Variants in PRKACA observed in about 807,000 individuals in gnomAD.
PRKACA encodes protein kinase cAMP-activated catalytic subunit alpha.
PRKACA carries 9 observed loss-of-function variants against 45.8 expected under a neutral mutation model. The observed-to-expected ratio is 0.20, with a 90% CI of 0.12 to 0.34. The LOEUF (loss-of-function observed/expected upper bound fraction) is 0.34, where lower values mean the gene tolerates loss of function less well. PRKACA is among the 10% of genes least tolerant of loss of function. PRKACA has a pLI of 1.00. For synonymous variants in PRKACA, 160 were observed against 178.6 expected, an observed-to-expected ratio of 0.90 and a Z score of 0.83; for missense variants, 238 against 458.6, an observed-to-expected ratio of 0.52 and a Z score of 4.39.
At chr19:14,098,020 T>C in intron 5 of PRKACA, 130 bp from the exon 6 acceptor site, 1 of 1,194,562 alleles carries the variant, frequency 8.4e-7, no homozygotes. Flanking sequence ...GGCACCTGAT[T>C]CTTAGATAGC....
chr19:14,114,183 C>G, intron 1 of PRKACA: 1 of 1,608,436 alleles, frequency 6.2e-7, no homozygotes, highest in Non-Finnish European at 8.5e-7. Context: ...AGGGCACCGG[C>G]ACTACGGTGG....
At chr19:14,114,972 C>A (rs1362705466) in intron 1 of PRKACA, among the ~76,000 whole-genome samples, 5 of 152,182 alleles carry the variant, frequency 3.3e-5, no homozygotes, top group Admixed American at 1.3e-4. Flanking sequence ...GTGCCCCCTG[C>A]AGGCTGGCCT....
chr19:14,102,982 C>A, intron 3 of PRKACA, 68 bp from the exon 4 acceptor site: 1 of 1,283,448 alleles, frequency 7.8e-7, no homozygotes, highest in Non-Finnish European at 1.1e-6. Flanking sequence ...CCCCTAATGC[C>A]TGGAACTAGG....
At chr19:14,111,892 G>C (rs1966975892) in intron 1 of PRKACA, among the ~76,000 whole-genome samples, 1 of 152,234 alleles carries the variant, frequency 6.6e-6, no homozygotes, top group Non-Finnish European at 1.5e-5. Context: ...CAGGCTTGAA[G>C]GGAATCCAAA....
At chr19:14,117,023 G>C (rs1342578020) in intron 1 of PRKACA, among the ~76,000 whole-genome samples, 2 of 151,822 alleles carry the variant, frequency 1.3e-5, no homozygotes, top group African/African-American at 4.8e-5. Context: ...GGGGCTGGAG[G>C]GGGGAGGGGT....
Position 14,092,827 on chromosome 19 carries a change from G to A in PRKACA, c.*285C>T, listed in dbSNP as rs575871334. ...TTGAGAAACTCGTTTAAAACAGGCAGAAGTGGGCTGGGAGGGCTGAGGGGC... is the reference window on the plus strand; with the variant it reads ...TTGAGAAACTCGTTTAAAACAGGCAAAAGTGGGCTGGGAGGGCTGAGGGGC... On this transcript the variant is annotated 3_prime_UTR_variant, in exon 10 of 10. Transcript: ENST00000308677. 8 of 440,424 alleles carry A rather than the reference G, an allele frequency of 1.8e-5. No individual in the cohort carries two copies. Among genetic ancestry groups the A allele is most frequent in the Non-Finnish European group, 8.1e-6 (2 of 247,784 alleles). 27.3% of individuals were successfully genotyped at this position (440,424 alleles called of 1,614,324 possible).
At position 14,093,805 on chromosome 19, in the gene PRKACA, G is replaced by T. The variant is rs767274781; in HGVS notation, c.766-13C>A. On this transcript the variant is annotated splice_polypyrimidine_tract_variant and intron_variant, in intron 8 of 9. Coordinates refer to ENST00000308677, the MANE Select transcript of PRKACA (RefSeq NM_002730.4). Reference sequence around the variant, plus strand: ...AAGGGAAGCGCACCTGGAGGAAGGGGTACAAGGACAGGGTGGGAAGCTGGT... The same window carrying T: ...AAGGGAAGCGCACCTGGAGGAAGGGTTACAAGGACAGGGTGGGAAGCTGGT... 5 of 1,607,056 alleles carry T rather than the reference G, an allele frequency of 3.1e-6. No individual in the cohort carries two copies. The highest frequency in any genetic ancestry group is 4.2e-6 in the Non-Finnish European group (5 of 1,176,804).
intron 1 of PRKACA, among the ~76,000 whole-genome samples, chr19:14,117,026 G>T (rs1253382967): frequency 6.6e-6 from 1 of 151,524 alleles, no homozygotes; most frequent in Non-Finnish European, 1.5e-5. Context: ...GCTGGAGGGG[G>T]GAGGGGTGTG....
At chr19:14,093,588 G>T in intron 9 of PRKACA, 40 bp downstream of exon 9, 1 of 1,592,454 alleles carries the variant, frequency 6.3e-7, no homozygotes. Context: ...CTCTTGGCCT[G>T]CTCCCAAACC....
intron 3 of PRKACA, among the ~76,000 whole-genome samples, chr19:14,104,612 C>T (rs1276887661): frequency 1.3e-5 from 2 of 149,616 alleles, no homozygotes; most frequent in Admixed American, 6.8e-5. Flanking sequence ...AGAAGAATGG[C>T]GTGAACCCGG....
chr19:14,107,018 CAG>C (rs1977633401), intron 2 of PRKACA, 130 bp from the exon 3 acceptor site: 6 of 1,217,474 alleles, frequency 4.9e-6, no homozygotes, highest in Admixed American at 5.0e-5. Flanking sequence ...GGGGTGAGGA[CAG>C]GGGGCGGAAA....
chr19:14,105,089 AAGG>A (rs1977563716), intron 3 of PRKACA, among the ~76,000 whole-genome samples: 1 of 152,206 alleles, frequency 6.6e-6, no homozygotes. Flanking sequence ...TACAGAAAAA[AAGG>A]AAATATTTCC....
At position 14,108,147 on chromosome 19, in the gene PRKACA, C is replaced by G. The variant is rs950254269; in HGVS notation, c.47-738G>C. On this transcript the variant is annotated intron_variant, in intron 1 of 9. Transcript: ENST00000308677. ...AGTCATTCTCGTCTCTGCTGAGACACAGCCCAGCAAAGTGGCTAAGGGCCA... is the reference window on the plus strand; with the variant it reads ...AGTCATTCTCGTCTCTGCTGAGACAGAGCCCAGCAAAGTGGCTAAGGGCCA... 7.1e-6 allele frequency: 7 copies of G among 985,376 alleles called. No individual in the cohort carries two copies. The South Asian group carries it at 3.3e-4, about 46-fold the overall frequency. 61.0% of individuals were successfully genotyped at this position (985,376 alleles called of 1,614,324 possible).
Position 14,093,689 on chromosome 19 carries a change from T to C in PRKACA, c.869A>G (p.Asn290Ser), listed in dbSNP as rs779240866. 5.0e-6 allele frequency: 8 copies of C among 1,614,088 alleles called. No individual in the cohort carries two copies. In the African/African-American group the frequency reaches 1.1e-4, roughly 22 times the overall value. The change falls in exon 9 of 10, where the codon AAC (asparagine) becomes AGC (serine). Residue 290 changes from asparagine (N) to serine (S), a missense_variant. This residue lies in a region of PRKACA where 94 missense variants were observed against 240.9 expected (regional missense o/e 0.39). Coordinates refer to ENST00000308677, the MANE Select transcript of PRKACA (RefSeq NM_002730.4). ...AAACCACTTGTGGTTCTTGATATCG[T>C]TGACCCCATTCTTGAGGTTCCCAAA... ...KRFGNLKNGV[N>S]DIKNHKWFAT...
chr19:14,093,511 T>C (rs993608161), intron 9 of PRKACA, 117 bp downstream of exon 9: 3 of 1,344,534 alleles, frequency 2.2e-6, no homozygotes, highest in Non-Finnish European at 3.1e-6. Context: ...TGCTCTAAGC[T>C]CTCTACTCTA....
Position 14,114,181 on chromosome 19 carries a change from G to T in PRKACA, c.46+3321C>A, listed in dbSNP as rs370452277. 6.8e-6 allele frequency: 11 copies of T among 1,608,570 alleles called. No homozygotes were observed. The African/African-American group carries it at 1.2e-4, about 18-fold the overall frequency. On this transcript the variant is annotated intron_variant, in intron 1 of 9. Transcript: ENST00000308677. ...CACTCAGTCCTGTTCTCAGGGCACC[G>T]GCACTACGGTGGCTGGGAAGGCTCA... is the stretch of plus-strand genomic sequence containing the variant.
intron 1 of PRKACA, among the ~76,000 whole-genome samples, chr19:14,112,001 C>T (rs904469583): frequency 4.6e-5 from 7 of 152,232 alleles, no homozygotes; most frequent in African/African-American, 7.2e-5. Context: ...TGGCTGTCCG[C>T]TGGTGCCCCA....
chr19:14,116,485 A>G (rs540830672), intron 1 of PRKACA, among the ~76,000 whole-genome samples: 205 of 152,294 alleles, frequency 1.3e-3, no homozygotes, highest in African/African-American at 4.7e-3. Context: ...CATCTCAGTT[A>G]GAACCGAATG....
Position 14,097,651 on chromosome 19 carries a change from C to T in PRKACA, c.570G>A (p.Lys190=), listed in dbSNP as rs1484719866. The change falls in exon 7 of 10, where the codon AAG becomes AAA. Residue 190 remains lysine (K), a synonymous_variant. Transcript: ENST00000308677. The surrounding 1 kb of genome is among the most constrained non-coding windows in gnomAD (Gnocchi z 5.4). ...YIQVTDFGFA[K]RVKGRTWTLC... ...AGGTCCAAGTGCGGCCCTTCACGCG[C>T]TTGGCGAAACCGAAGTCTGTCACCT... 6.2e-7 allele frequency: 1 copy of T among 1,609,384 alleles called. No homozygotes were observed. Among genetic ancestry groups the T allele is most frequent in the Non-Finnish European group, 8.5e-7 (1 of 1,176,870 alleles).
Sources: gnomAD v4.1 joint callset for allele counts (sites outside exome capture counted in the v4.1 genomes callset) on GRCh38, gnomAD v4.1.1 for gene constraint, gnomAD v4.1.1 regional missense constraint, Gnocchi (gnomAD v3.1) non-coding constraint, MANE v1.5 for transcripts, NCBI Gene and HGNC (gene_info 2026-07-23, HGNC 2026-07-21) for gene names.